The following CSMD1 variants were observed in gnomAD, a reference collection of about 807,000 sequenced individuals.
CSMD1 encodes CUB and Sushi multiple domains 1.
A neutral mutation model predicts 417.5 loss-of-function variants in CSMD1; 213 were observed. That is an observed-to-expected ratio of 0.51 (90% confidence interval 0.46 to 0.57). CSMD1 has a LOEUF of 0.57. CSMD1 is among the 20% of genes least tolerant of loss of function. The pLI, the probability that CSMD1 is intolerant of heterozygous loss-of-function variation, is 0.00. For synonymous variants in CSMD1, 2,862 were observed against 1,736.8 expected, an observed-to-expected ratio of 1.65 and a Z score of -16.11; for missense variants, 6,923 against 4,529.7, an observed-to-expected ratio of 1.53 and a Z score of -15.17.
intron 1 of CSMD1, among the ~76,000 whole-genome samples, chr8:4,737,888 A>T (rs924247359): frequency 6.6e-6 from 1 of 152,222 alleles, no homozygotes; most frequent in African/African-American, 2.4e-5. Context: ...AATCCCAGAT[A>T]ATAAGGAAAT....
At chr8:4,678,606 T>A (rs1356966341) in intron 1 of CSMD1, among the ~76,000 whole-genome samples, 2 of 152,176 alleles carry the variant, frequency 1.3e-5, no homozygotes, top group Non-Finnish European at 2.9e-5. Flanking sequence ...TAAATTACAA[T>A]ATGCATTTAC....
chr8:3,276,366 T>C (rs34716267), intron 26 of CSMD1, among the ~76,000 whole-genome samples: 41,803 of 152,078 alleles, frequency 0.27, 5,977 homozygotes, highest in African/African-American at 0.34. Flanking sequence ...TTCTGTGTCG[T>C]TCACGCTGGG....
intron 12 of CSMD1, among the ~76,000 whole-genome samples, chr8:3,454,051 C>G (rs1269706046): frequency 1.3e-5 from 2 of 152,116 alleles, no homozygotes; most frequent in African/African-American, 4.8e-5. Context: ...GAATTGATCC[C>G]TTTACCATTA....
chr8:4,455,511 T>C (rs1176042294), intron 2 of CSMD1, among the ~76,000 whole-genome samples: 3 of 152,190 alleles, frequency 2.0e-5, no homozygotes, highest in African/African-American at 4.8e-5. Flanking sequence ...CATTTGTCTC[T>C]GCAGCTGGAC....
At chr8:3,544,407 G>A (rs1235967043) in intron 10 of CSMD1, among the ~76,000 whole-genome samples, 3 of 152,020 alleles carry the variant, frequency 2.0e-5, no homozygotes, top group African/African-American at 4.8e-5. Context: ...ATACGAACAA[G>A]CATTTTACCT....
chr8:3,986,393 C>T (rs1311123144), intron 5 of CSMD1, among the ~76,000 whole-genome samples: 1 of 152,070 alleles, frequency 6.6e-6, no homozygotes, highest in Non-Finnish European at 1.5e-5. Context: ...AACCACAGGC[C>T]CTGGACATTT....
At chr8:4,862,093 A>G (rs1350603825) in intron 1 of CSMD1, among the ~76,000 whole-genome samples, 1 of 152,088 alleles carries the variant, frequency 6.6e-6, no homozygotes, top group Non-Finnish European at 1.5e-5. Flanking sequence ...TTCTGATCCA[A>G]GAAGGAAGGA....
At chr8:4,554,085 T>C (rs1797987498) in intron 2 of CSMD1, among the ~76,000 whole-genome samples, 1 of 152,200 alleles carries the variant, frequency 6.6e-6, no homozygotes, top group Non-Finnish European at 1.5e-5. Context: ...GTTTTTAATA[T>C]TGTGTGTAAA....
At chr8:3,296,790 G>A (rs1054347761) in intron 25 of CSMD1, among the ~76,000 whole-genome samples, 4 of 152,122 alleles carry the variant, frequency 2.6e-5, no homozygotes, top group Non-Finnish European at 5.9e-5. Context: ...GTCATCCAGT[G>A]AACTGAGAAA....
intron 5 of CSMD1, among the ~76,000 whole-genome samples, chr8:3,885,370 T>C (rs1056548566): frequency 1.3e-5 from 2 of 152,068 alleles, no homozygotes; most frequent in African/African-American, 2.4e-5. Context: ...TAAACGAAAA[T>C]ATAAAAGCTT....
chr8:4,161,939 T>C lies in CSMD1; in HGVS notation c.416-129840A>G, dbSNP rs77498133. ...ATATCCCTTTCGTTTAAATATTCAG[T>C]AAGTATAGTACACAACATACCTTTA... is the stretch of plus-strand genomic sequence containing the variant. On this transcript the variant is annotated intron_variant, in intron 3 of 69. Transcript: ENST00000635120. Among the ~76,000 whole-genome samples, 816 of 152,316 alleles carry C rather than the reference T, an allele frequency of 5.4e-3. 8 individuals are homozygous for C. The highest frequency in any genetic ancestry group is 0.017 in the African/African-American group (719 of 41,564).
chr8:4,443,670 T>G (rs1474260662), intron 2 of CSMD1, among the ~76,000 whole-genome samples: 1 of 152,192 alleles, frequency 6.6e-6, no homozygotes, highest in Admixed American at 6.5e-5. Flanking sequence ...GAAATAGCAT[T>G]TATACCATTC....
intron 3 of CSMD1, among the ~76,000 whole-genome samples, chr8:4,318,938 T>C (rs1385432772): frequency 1.3e-5 from 2 of 152,266 alleles, no homozygotes; most frequent in African/African-American, 4.8e-5. Flanking sequence ...TTTACTCTCT[T>C]TATTAAAAAC....
intron 5 of CSMD1, among the ~76,000 whole-genome samples, chr8:3,927,421 C>T (rs1331808858): frequency 6.6e-6 from 1 of 151,974 alleles, no homozygotes; most frequent in Non-Finnish European, 1.5e-5. Flanking sequence ...GGTCCCAACA[C>T]TTTGTGGTGC....
In CSMD1 at chr8:4,267,829, G is replaced by A. The variant is rs138863311; in HGVS notation, c.415+152124C>T. ...ATTGCAGGTGTGCAAAATATAAAGT[G>A]TATATAATTTAGCTTGAATTATTGT... On this transcript the variant is annotated intron_variant, in intron 3 of 69. Coordinates refer to ENST00000635120, the MANE Select transcript of CSMD1 (RefSeq NM_033225.6). Among the ~76,000 whole-genome samples the A allele has an allele frequency of 1.2e-3, 185 of 152,096 alleles. 1 individual carries two copies. Among genetic ancestry groups the A allele is most frequent in the African/African-American group, 4.3e-3 (177 of 41,530 alleles).
intron 38 of CSMD1, among the ~76,000 whole-genome samples, chr8:3,159,375 T>C (rs1819740135): frequency 6.6e-6 from 1 of 152,200 alleles, no homozygotes; most frequent in Non-Finnish European, 1.5e-5. Context: ...CTTTTTTATG[T>C]TTAAAAAGAC....
intron 3 of CSMD1, among the ~76,000 whole-genome samples, chr8:4,069,794 C>T (rs751095446): frequency 2.6e-5 from 4 of 152,156 alleles, no homozygotes; most frequent in East Asian, 3.9e-4. Context: ...GTGTTAAACA[C>T]GTAATTACTC....
At chr8:3,454,008 C>A (rs971809475) in intron 12 of CSMD1, among the ~76,000 whole-genome samples, 4 of 152,076 alleles carry the variant, frequency 2.6e-5, no homozygotes, top group South Asian at 2.1e-4. Flanking sequence ...GTATTGGGTG[C>A]ATATATATTT....
intron 9 of CSMD1, among the ~76,000 whole-genome samples, chr8:3,584,046 C>G (rs2116987893): frequency 6.6e-6 from 1 of 152,154 alleles, no homozygotes. Context: ...GGAATTATTT[C>G]CAGCAGTATA....
Sources: gnomAD v4.1 joint callset for allele counts (sites outside exome capture counted in the v4.1 genomes callset) on GRCh38, gnomAD v4.1.1 for gene constraint, MANE v1.5 for transcripts, NCBI Gene and HGNC (gene_info 2026-07-23, HGNC 2026-07-21) for gene names.